Variants in LRRC14B observed in about 807,000 individuals in gnomAD.
The protein encoded by LRRC14B is leucine rich repeat containing 14B, also known as leucine-rich repeat-containing protein 14B.
LRRC14B carries 23 observed loss-of-function variants against 16.9 expected under a neutral mutation model. The observed-to-expected ratio is 1.36, with a 90% CI of 0.98 to 1.92. LRRC14B has a LOEUF of 1.92. Among genes scored for constraint, LRRC14B ranks in the 30% most tolerant of loss-of-function variants. The pLI is 0.00. For missense variants in LRRC14B, 766 were observed against 705.7 expected (o/e 1.09, Z -0.97); for synonymous variants, 358 against 332.5 (o/e 1.08, Z -0.83).
At chr5:193,233 G>A (rs909119753) in intron 1 of LRRC14B, among the ~76,000 whole-genome samples, 24 of 151,290 alleles carry the variant, frequency 1.6e-4, no homozygotes, top group Non-Finnish European at 3.0e-4. Flanking sequence ...GGCAGCTGGC[G>A]GTGGGTATTG....
Position 192,399 on chromosome 5 carries a change from C to T in LRRC14B, c.861C>T (p.Ala287=). The T allele has an allele frequency of 1.3e-6, 2 of 1,561,324 alleles. No homozygotes were observed. Among genetic ancestry groups the T allele is most frequent in the Non-Finnish European group, 1.7e-6 (2 of 1,151,442 alleles). ...KMAQLTELSV[A]FSTLTGKIPT... is the part of the protein sequence containing the mutation. ...CGCAGCTCACTGAGCTCAGTGTGGC[C>T]TTCTCCACGCTGACCGGGAAGATCC... The change falls in exon 1 of 2, where the codon GCC becomes GCT. Residue 287 remains alanine (A), a synonymous_variant. Transcript: ENST00000328278.
At position 195,503 on chromosome 5, in the gene LRRC14B, T is replaced by G. The variant is rs1733901442; in HGVS notation, c.*150T>G. On this transcript the variant is annotated 3_prime_UTR_variant, in exon 2 of 2. Transcript: ENST00000328278. ...TAGTGAAAATTGTAGGCGAGCCTGT[T>G]AAGCGTTGTAGAAGAGGAAGCCTTC... 1.2e-6 allele frequency: 1 copy of G among 812,060 alleles called. No individual in the cohort carries two copies. The allele number at this position is 812,060 out of a possible 1,614,324, so 50.3% of individuals were successfully genotyped here.
At chr5:192,962 G>A (rs999701291) in intron 1 of LRRC14B, among the ~76,000 whole-genome samples, 5 of 152,180 alleles carry the variant, frequency 3.3e-5, no homozygotes, top group Non-Finnish European at 4.4e-5. Flanking sequence ...TGGGACAGGA[G>A]GCTTATGCAG....
chr5:192,736 G>A (rs894914347), intron 1 of LRRC14B, among the ~76,000 whole-genome samples: 3 of 152,252 alleles, frequency 2.0e-5, no homozygotes, highest in Admixed American at 1.3e-4. Flanking sequence ...CGTGGTGTGA[G>A]GAGTTGTCTA....
At position 194,778 on chromosome 5, in the gene LRRC14B, T is replaced by G; in HGVS notation, c.970T>G (p.Leu324Val). The change falls in exon 2 of 2, where the codon TTG becomes GTG. Residue 324 changes from leucine (L) to valine (V), a missense_variant. Physicochemically the swap from Leu to Val is conservative, Grantham distance 32. Transcript: ENST00000328278. ...CCTGAACCACACGGACATGGCCTTC[T>G]TGGCAGACTGTGCCCACGCTGCCCA... ...CALNHTDMAF[L>V]ADCAHAAHLE... is the part of the protein sequence containing the mutation. 1 of 1,613,384 alleles carries G rather than the reference T, an allele frequency of 6.2e-7. No homozygotes were observed. The highest frequency in any genetic ancestry group is 8.5e-7 in the Non-Finnish European group (1 of 1,179,654).
chr5:194,116 C>A (rs189219890), intron 1 of LRRC14B, among the ~76,000 whole-genome samples: 16 of 152,230 alleles, frequency 1.1e-4, no homozygotes, highest in Admixed American at 4.6e-4. Flanking sequence ...TGAAACCATG[C>A]GGGATTCATC....
chr5:192,344 C>A lies in LRRC14B; in HGVS notation c.806C>A (p.Ala269Asp). 1.3e-6 allele frequency: 2 copies of A among 1,594,570 alleles called. No homozygotes were observed. The highest frequency in any genetic ancestry group is 2.3e-5 in the South Asian group (2 of 87,616). Reference protein sequence around the residue: ...STPDGEDPLLASIARELSKMA... With the variant: ...STPDGEDPLLDSIARELSKMA... ...CCCGACGGCGAGGACCCCCTCCTCG[C>A]CTCCATCGCCCGGGAGCTCAGCAAG... is the stretch of plus-strand genomic sequence containing the variant. The change falls in exon 1 of 2, where the codon GCC (alanine) becomes GAC (aspartate). Residue 269 changes from alanine to aspartate, a missense_variant. By Grantham distance (126) the Ala-to-Asp change is moderately radical. Transcript: ENST00000328278.
chr5:194,687 T>C, intron 1 of LRRC14B, 21 bp from the exon 2 acceptor site: 2 of 1,575,606 alleles, frequency 1.3e-6, no homozygotes, highest in East Asian at 2.2e-5. Context: ...TCACCTGTGC[T>C]CTTTCCCCCG....
intron 1 of LRRC14B, among the ~76,000 whole-genome samples, chr5:193,168 G>A (rs939187293): frequency 4.6e-5 from 7 of 151,550 alleles, no homozygotes; most frequent in East Asian, 3.9e-4. Context: ...CCTGGGGAAC[G>A]GGGTGCCTGG....
At position 192,270 on chromosome 5, in the gene LRRC14B, C is replaced by T. The variant is rs773222510; in HGVS notation, c.732C>T (p.Leu244=). The T allele has an allele frequency of 3.8e-6, 6 of 1,595,924 alleles. No individual in the cohort carries two copies. In the Admixed American group the frequency reaches 1.0e-4, roughly 27 times the overall value. Residue 244 remains leucine (L), a synonymous_variant, in exon 1 of 2, where the codon CTC becomes CTT. Transcript: ENST00000328278. ...TGGGCTTCCCCCGGCTGGCCTCGCTCACCCTGCCCACCAAGGCCTTTGATG... is the reference window on the plus strand; with the variant it reads ...TGGGCTTCCCCCGGCTGGCCTCGCTTACCCTGCCCACCAAGGCCTTTGATG... ...AQVGFPRLAS[L]TLPTKAFDAP...
rs765261842 is a variant in LRRC14B, at chr5:192,138, G to C, written c.600G>C (p.Gln200His). Residue 200 changes from glutamine (Q) to histidine (H), a missense_variant, in exon 1 of 2, where the codon CAG (glutamine) becomes CAC (histidine). Coordinates refer to ENST00000328278, the MANE Select transcript of LRRC14B (RefSeq NM_001080478.3). ...GGGCGGACAGCCTGAGCCCCAGCCA[G>C]CTCCTGCACGTGCTGCGTCTGGCTG... Reference protein sequence around the residue: ...SFRADSLSPSQLLHVLRLAGP... With the variant: ...SFRADSLSPSHLLHVLRLAGP... The C allele has an allele frequency of 2.5e-6, 4 of 1,587,022 alleles. No homozygotes were observed. In the African/African-American group the frequency reaches 5.4e-5, roughly 21 times the overall value.
chr5:194,801 C>A lies in LRRC14B; in HGVS notation c.993C>A (p.Ala331=), dbSNP rs747967174. The A allele has an allele frequency of 1.2e-6, 2 of 1,610,310 alleles. No individual in the cohort carries two copies. Among genetic ancestry groups the A allele is most frequent in the Admixed American group, 3.4e-5 (2 of 59,476 alleles). ...TCTTGGCAGACTGTGCCCACGCTGCCCACCTGGAGGTGCTGGACCTCAGTG... is the reference window on the plus strand; with the variant it reads ...TCTTGGCAGACTGTGCCCACGCTGCACACCTGGAGGTGCTGGACCTCAGTG... ...MAFLADCAHA[A]HLEVLDLSGH... The change falls in exon 2 of 2, where the codon GCC becomes GCA. Residue 331 remains alanine, a synonymous_variant. Coordinates refer to ENST00000328278, the MANE Select transcript of LRRC14B (RefSeq NM_001080478.3).
chr5:194,890 C>T lies in LRRC14B; in HGVS notation c.1082C>T (p.Thr361Met), dbSNP rs371770418. The T allele has an allele frequency of 1.1e-4, 168 of 1,599,832 alleles. 1 individual carries two copies. The highest frequency in any genetic ancestry group is 1.3e-4 in the Non-Finnish European group (151 of 1,173,262). ...AGGCTGCTCAGCCAGGCTTCCCGGA[C>T]GCTGAGGATCCTGACACTGGAGGAG... is the stretch of plus-strand genomic sequence containing the variant. ...FFRLLSQASR[T>M]LRILTLEECG... Residue 361 changes from threonine (T) to methionine (M), a missense_variant, in exon 2 of 2, where the codon ACG (threonine) becomes ATG (methionine). By Grantham distance (81) the Thr-to-Met change is moderately conservative. Transcript: ENST00000328278.
intron 1 of LRRC14B, among the ~76,000 whole-genome samples, chr5:193,189 T>G (rs368106037): frequency 1.4e-5 from 2 of 144,652 alleles, no homozygotes; most frequent in East Asian, 4.1e-4. Context: ...CAATGGGTGC[T>G]GGGAGGGAGC....
At chr5:193,500 G>C (rs1444156948) in intron 1 of LRRC14B, among the ~76,000 whole-genome samples, 1 of 148,312 alleles carries the variant, frequency 6.7e-6, no homozygotes, top group Non-Finnish European at 1.5e-5. Flanking sequence ...CCTGGCGGTG[G>C]TAGGGGTGCC....
Position 192,321 on chromosome 5 carries a change from C to T in LRRC14B, c.783C>T (p.Pro261=), listed in dbSNP as rs747752186. ...FDAPPTYAST[P]DGEDPLLASI... ...CACCCCCCACCTACGCCTCCACTCC[C>T]GACGGCGAGGACCCCCTCCTCGCCT... Residue 261 remains proline, a synonymous_variant, in exon 1 of 2, where the codon CCC becomes CCT. Coordinates refer to ENST00000328278, the MANE Select transcript of LRRC14B (RefSeq NM_001080478.3). The T allele has an allele frequency of 1.4e-5, 23 of 1,599,026 alleles. No homozygotes were observed. The highest frequency in any genetic ancestry group is 1.7e-5 in the Admixed American group (1 of 58,666).
Position 192,099 on chromosome 5 carries a change from C to T in LRRC14B, c.561C>T (p.His187=), listed in dbSNP as rs556630440. 2 of 1,556,544 alleles carry T rather than the reference C, an allele frequency of 1.3e-6. No homozygotes were observed. The highest frequency in any genetic ancestry group is 2.3e-5 in the South Asian group (2 of 85,274). Residue 187 remains histidine, a synonymous_variant, in exon 1 of 2, where the codon CAC becomes CAT. Coordinates refer to ENST00000328278, the MANE Select transcript of LRRC14B (RefSeq NM_001080478.3). ...CGGGCCCGGCCCCTCTGCGGGTGCA[C>T]TGCCCCTCGTTCCGGGCGGACAGCC... ...RPAGPAPLRV[H]CPSFRADSLS...
rs201353126 is a variant in LRRC14B at position 191,560 on chromosome 5, C to T, written c.22C>T (p.Arg8Cys). The part of the protein sequence containing the change: MDTMRSL[R>C]FISAEALVSH... ...GGCCATGGACACAATGAGGTCACTC[C>T]GCTTCATTTCTGCAGAAGCTCTGGT... Residue 8 changes from arginine (R) to cysteine (C), a missense_variant, in exon 1 of 2, where the codon CGC becomes TGC. Physicochemically the swap from Arg to Cys is radical, Grantham distance 180 (BLOSUM62 -3). Coordinates refer to ENST00000328278, the MANE Select transcript of LRRC14B (RefSeq NM_001080478.3). 9.3e-5 allele frequency: 150 copies of T among 1,612,022 alleles called. 1 individual carries two copies. In the African/African-American group the frequency reaches 1.6e-3, roughly 17 times the overall value.
In LRRC14B at chr5:195,042, C is replaced by T. The variant is rs760209189; in HGVS notation, c.1234C>T (p.Leu412Phe). The change falls in exon 2 of 2, where the codon CTC (leucine) becomes TTC (phenylalanine). Residue 412 changes from leucine (L) to phenylalanine (F), a missense_variant. Physicochemically the swap from Leu to Phe is conservative, Grantham distance 22 (BLOSUM62 0). Coordinates refer to ENST00000328278, the MANE Select transcript of LRRC14B (RefSeq NM_001080478.3). ...CGCCCTCCGGCGCCTCTTCACCGCA[C>T]TCTGTGAGCTCCCCGAGCTGCGCTG... The part of the protein sequence containing the change: ...ARALRRLFTA[L>F]CELPELRCIE... The T allele has an allele frequency of 1.9e-6, 3 of 1,613,350 alleles. No homozygotes were observed. The highest frequency in any genetic ancestry group is 2.2e-5 in the South Asian group (2 of 91,084).
Sources: gnomAD v4.1 joint callset for allele counts (sites outside exome capture counted in the v4.1 genomes callset) on GRCh38, gnomAD v4.1.1 for gene constraint, MANE v1.5 for transcripts, NCBI Gene and HGNC (gene_info 2026-07-23, HGNC 2026-07-21) for gene names.